The following SYNCRIP variants were observed in gnomAD, a reference collection of about 807,000 sequenced individuals.
SYNCRIP encodes the protein heterogeneous nuclear ribonucleoprotein Q.
A neutral mutation model predicts 68.9 loss-of-function variants in SYNCRIP; 9 were observed. That is an observed-to-expected ratio of 0.13 (90% CI 0.08 to 0.23). The LOEUF is 0.23. SYNCRIP is among the 10% of genes least tolerant of loss of function. The probability of loss-of-function intolerance (pLI) is 1.00; values close to 1 mark genes in which losing one functional copy is unlikely to be tolerated. For synonymous variants in SYNCRIP, 258 were observed against 254.0 expected (o/e 1.02, Z -0.15); for missense variants, 414 against 770.6 (o/e 0.54, Z 5.48).
In SYNCRIP at chr6:85,636,728, G is replaced by A. The variant is rs372512753; in HGVS notation, c.666+239C>T. Among the ~76,000 whole-genome samples, 6 of 152,248 alleles carry A rather than the reference G, an allele frequency of 3.9e-5. No homozygotes were observed. In the East Asian group the frequency reaches 5.8e-4, roughly 15 times the overall value. On this transcript the variant is annotated intron_variant, in intron 6 of 10. Coordinates refer to ENST00000369622, the MANE Select transcript of SYNCRIP (RefSeq NM_006372.5). ...AACACACAAAAACGTCACTAAGCCA[G>A]ATGTTTATAAGAACCAATTGCTAGG...
chr6:85,616,457 C>G (rs1015797079), intron 10 of SYNCRIP, among the ~76,000 whole-genome samples: 1 of 152,164 alleles, frequency 6.6e-6, no homozygotes, highest in Non-Finnish European at 1.5e-5. Context: ...TCTCGAGTAG[C>G]TGGGACTATA....
chr6:85,631,990 T>C (rs1404858772), intron 6 of SYNCRIP, among the ~76,000 whole-genome samples: 2 of 152,228 alleles, frequency 1.3e-5, no homozygotes, highest in Admixed American at 6.5e-5. Context: ...AGCTAGATTA[T>C]CATCATTTAC....
At chr6:85,640,622 G>A in intron 2 of SYNCRIP, 58 bp from the exon 3 acceptor site, 1 of 1,093,416 alleles carries the variant, frequency 9.1e-7, no homozygotes, top group Non-Finnish European at 1.3e-6. Flanking sequence ...TTTTAGAGAA[G>A]ACTATGTTGG....
In SYNCRIP at chr6:85,634,067, T is replaced by C. The variant is rs189485950; in HGVS notation, c.666+2900A>G. Among the ~76,000 whole-genome samples the C allele has an allele frequency of 3.2e-4, 48 of 152,352 alleles. No individual in the cohort carries two copies. In the East Asian group the frequency reaches 8.3e-3, roughly 26 times the overall value. Reference sequence around the variant, plus strand: ...AAGTTTTAGGACAAGGGTTAATTCCTACGCCAATCAAAAAGAATGCTTATC... The same window carrying C: ...AAGTTTTAGGACAAGGGTTAATTCCCACGCCAATCAAAAAGAATGCTTATC... On this transcript the variant is annotated intron_variant, in intron 6 of 10. Coordinates refer to ENST00000369622, the MANE Select transcript of SYNCRIP (RefSeq NM_006372.5).
chr6:85,638,380 C>CAAAAAAAAAAAAAAAAA (rs71003001), intron 4 of SYNCRIP, among the ~76,000 whole-genome samples: 2 of 42,852 alleles, frequency 4.7e-5, no homozygotes, highest in African/African-American at 2.0e-4. Context: ...GACCCCATCT[C>CAAAAAAAAAAAAAAAAA]AAAAAAAAAA....
At chr6:85,643,114 C>A, upstream of SYNCRIP, 1 of 153,248 alleles carries the variant, frequency 6.5e-6, no homozygotes, top group Non-Finnish European at 1.4e-5. Context: ...CCACCACTAG[C>A]CTCTGTCCGC....
rs953805111 is a variant in SYNCRIP, at chr6:85,637,376, A to G, written c.376-20T>C. 7.1e-5 allele frequency: 106 copies of G among 1,500,840 alleles called. No individual in the cohort carries two copies. The highest frequency in any genetic ancestry group is 9.4e-5 in the Non-Finnish European group (102 of 1,084,332). The allele number at this position is 1,500,840 out of a possible 1,614,324, so 93.0% of individuals were successfully genotyped here. On this transcript the variant is annotated intron_variant, in intron 4 of 10. Coordinates refer to ENST00000369622, the MANE Select transcript of SYNCRIP (RefSeq NM_006372.5). ...GAGTGCCTTGAAAAGTTCAAACGTCATTAATACATTTAATTCACTAGACCA... is the reference window on the plus strand; with the variant it reads ...GAGTGCCTTGAAAAGTTCAAACGTCGTTAATACATTTAATTCACTAGACCA...
chr6:85,618,958 T>C lies in SYNCRIP; in HGVS notation c.1159-19A>G. 1 of 1,592,100 alleles carries C rather than the reference T, an allele frequency of 6.3e-7. No individual in the cohort carries two copies. Among genetic ancestry groups the C allele is most frequent in the Non-Finnish European group, 8.6e-7 (1 of 1,167,834 alleles). The stretch of plus-strand genomic sequence containing the variant: ...CCATAGCCTTAAAAAATTAGATAAG[T>C]CAATATAAAAATAGGACTTTCATAC... On this transcript the variant is annotated intron_variant, in intron 9 of 10. Transcript: ENST00000369622.
chr6:85,635,378 TA>T (rs1442910221), intron 6 of SYNCRIP, among the ~76,000 whole-genome samples: 1 of 152,182 alleles, frequency 6.6e-6, no homozygotes, highest in East Asian at 1.9e-4. Context: ...ATTCTCTTTG[TA>T]AAGGCTTATA....
chr6:85,629,170 G>GC (rs1807412659), intron 6 of SYNCRIP, among the ~76,000 whole-genome samples: 1 of 152,056 alleles, frequency 6.6e-6, no homozygotes, highest in Non-Finnish European at 1.5e-5. Context: ...ACAAAACACT[G>GC]CTTCAACTAG....
At chr6:85,609,767 A>T (rs976434937), downstream of SYNCRIP, 1 of 151,846 alleles carries the variant, frequency 6.6e-6, no homozygotes, top group South Asian at 2.1e-4. Flanking sequence ...AGATAACTTA[A>T]GTTTTCTTTT....
At chr6:85,634,038 T>C (rs532254937) in intron 6 of SYNCRIP, among the ~76,000 whole-genome samples, 13 of 152,188 alleles carry the variant, frequency 8.5e-5, no homozygotes, top group South Asian at 4.1e-4. Context: ...GAAAGAAATG[T>C]AGAAAGTTTT....
chr6:85,621,105 A>T (rs190417039), intron 8 of SYNCRIP, among the ~76,000 whole-genome samples: 1 of 152,356 alleles, frequency 6.6e-6, no homozygotes, highest in East Asian at 1.9e-4. Context: ...TCCTAAAATA[A>T]CTTGAATACC....
chr6:85,618,103 G>GAAAC (rs1232266217), intron 10 of SYNCRIP, among the ~76,000 whole-genome samples: 5 of 152,230 alleles, frequency 3.3e-5, no homozygotes, highest in African/African-American at 1.2e-4. Context: ...TACTGGTGAA[G>GAAAC]AAACAGTCTA....
chr6:85,640,148 C>T, intron 4 of SYNCRIP, 73 bp downstream of exon 4: 1 of 1,006,640 alleles, frequency 9.9e-7, no homozygotes, highest in South Asian at 1.4e-5. Flanking sequence ...CATTTCATAC[C>T]CAAGGAATAT....
At chr6:85,613,499 C>A (rs1342176939), downstream of SYNCRIP, among the ~76,000 whole-genome samples, 1 of 151,842 alleles carries the variant, frequency 6.6e-6, no homozygotes, top group Non-Finnish European at 1.5e-5. Context: ...AGAGTCTGTC[C>A]CCCAAAACTC....
downstream of SYNCRIP, chr6:85,609,922 A>C (rs1805113118): frequency 6.6e-6 from 1 of 151,964 alleles, no homozygotes; most frequent in Non-Finnish European, 1.5e-5. Flanking sequence ...AAGAACCCAT[A>C]AACAAATCAC....
chr6:85,614,499 T>C lies in SYNCRIP; in HGVS notation c.*257A>G. The C allele has an allele frequency of 8.6e-7, 1 of 1,168,898 alleles. No individual in the cohort carries two copies. Among genetic ancestry groups the C allele is most frequent in the Non-Finnish European group, 1.1e-6 (1 of 947,826 alleles). 72.4% of individuals were successfully genotyped at this position (1,168,898 alleles called of 1,614,324 possible). A position where few individuals can be genotyped will look rare whatever the true frequency, so the allele number is the denominator to read the frequency against. On this transcript the variant is annotated 3_prime_UTR_variant, in exon 11 of 11. Coordinates refer to ENST00000369622, the MANE Select transcript of SYNCRIP (RefSeq NM_006372.5). Reference sequence around the variant, plus strand: ...AGCCAAATGGACTTGAGCCAAATTTTCTCAAGCACAAATGCAAACTCATTA... The same window carrying C: ...AGCCAAATGGACTTGAGCCAAATTTCCTCAAGCACAAATGCAAACTCATTA...
At chr6:85,622,721 T>C in intron 7 of SYNCRIP, 34 bp from the exon 8 acceptor site, 3 of 1,538,804 alleles carry the variant, frequency 1.9e-6, no homozygotes, top group Non-Finnish European at 2.7e-6. Flanking sequence ...GAAAATTAGA[T>C]GAAATAACTA....
Sources: allele counts gnomAD v4.1 joint callset (sites outside exome capture counted in the v4.1 genomes callset), GRCh38; gene constraint gnomAD v4.1.1; transcripts MANE v1.5; gene names NCBI Gene and HGNC (gene_info 2026-07-23, HGNC 2026-07-21).